Variants in COP1 observed in about 807,000 individuals in gnomAD.
COP1 encodes the protein E3 ubiquitin-protein ligase COP1.
COP1 carries 24 observed loss-of-function variants against 101.3 expected under a neutral mutation model. The ratio of observed to expected loss-of-function variants is 0.24; its 90% CI spans 0.17 to 0.33. The LOEUF (loss-of-function observed/expected upper bound fraction) is 0.33, where lower values mean the gene tolerates loss of function less well. Among genes scored for constraint, COP1 ranks in the 10% least tolerant of loss-of-function variants. The pLI, the probability that COP1 is intolerant of heterozygous loss-of-function variation, is 1.00. For missense variants in COP1, 663 were observed against 906.2 expected (o/e 0.73, Z 3.45); for synonymous variants, 347 against 341.9 (o/e 1.01, Z -0.17).
chr1:176,143,536 G>A (rs1691069664), intron 6 of COP1, among the ~76,000 whole-genome samples: 1 of 151,792 alleles, frequency 6.6e-6, no homozygotes, highest in Non-Finnish European at 1.5e-5. Context: ...AGCAAAACTG[G>A]ACAAGATATG....
chr1:176,191,923 T>C (rs1699154188), intron 1 of COP1, among the ~76,000 whole-genome samples: 1 of 152,142 alleles, frequency 6.6e-6, no homozygotes, highest in East Asian at 1.9e-4. Context: ...GCAATCATTT[T>C]AGACTGTAAT....
Position 175,949,145 on chromosome 1 carries a change from G to A in COP1, c.2134-1906C>T, listed in dbSNP as rs1198372154. On this transcript the variant is annotated intron_variant, in intron 18 of 19. Transcript: ENST00000367669. ...ACCACTGCACTCCAGCCTGGCTGGA[G>A]AGACTCCAGCAAGGCTCCGTCTCAA... Among the ~76,000 whole-genome samples the A allele has an allele frequency of 4.6e-5, 5 of 108,252 alleles. No individual in the cohort carries two copies. The Admixed American group carries it at 7.1e-4, about 15-fold the overall frequency. 71.0% of individuals were successfully genotyped at this position (108,252 alleles called of 152,430 possible). A position where few individuals can be genotyped will look rare whatever the true frequency, so the allele number is the denominator to read the frequency against.
intron 15 of COP1, among the ~76,000 whole-genome samples, chr1:176,006,358 A>C (rs1663214433): frequency 6.6e-6 from 1 of 152,114 alleles, no homozygotes. Context: ...ATTTAAAGTT[A>C]ATATTGTTAT....
chr1:176,071,883 T>C (rs1677068712), intron 11 of COP1, among the ~76,000 whole-genome samples: 2 of 152,192 alleles, frequency 1.3e-5, no homozygotes, highest in African/African-American at 4.8e-5. Context: ...AGCTTATGGC[T>C]TCACTCTGTA....
intron 1 of COP1, among the ~76,000 whole-genome samples, chr1:176,200,947 C>T (rs949583702): frequency 1.4e-4 from 21 of 152,162 alleles, no homozygotes; most frequent in African/African-American, 4.6e-4. Flanking sequence ...TGGACTCAAA[C>T]TCCTGGAGCT....
chr1:175,994,540 A>C (rs1659581221), intron 15 of COP1, among the ~76,000 whole-genome samples: 1 of 152,178 alleles, frequency 6.6e-6, no homozygotes, highest in African/African-American at 2.4e-5. Flanking sequence ...AAATAAAAGG[A>C]TGGAGGAAGA....
intron 11 of COP1, among the ~76,000 whole-genome samples, chr1:176,050,794 G>A (rs989948416): frequency 6.6e-6 from 1 of 152,052 alleles, no homozygotes; most frequent in African/African-American, 2.4e-5. Context: ...AATCTCCACT[G>A]TATAAAGAAA....
chr1:176,017,856 C>A (rs928352171), intron 15 of COP1, among the ~76,000 whole-genome samples: 1 of 152,120 alleles, frequency 6.6e-6, no homozygotes, highest in Admixed American at 6.5e-5. Context: ...ATACTTAAAC[C>A]ATTTTTTACT....
intron 9 of COP1, among the ~76,000 whole-genome samples, chr1:176,087,757 A>C (rs1680487335): frequency 6.6e-6 from 1 of 152,220 alleles, no homozygotes; most frequent in African/African-American, 2.4e-5. Flanking sequence ...ATTACGGGTT[A>C]TATACCCAAA....
chr1:175,987,920 A>G (rs564985372), intron 17 of COP1, among the ~76,000 whole-genome samples: 9 of 152,246 alleles, frequency 5.9e-5, no homozygotes, highest in Non-Finnish European at 1.3e-4. Flanking sequence ...GGGAAAATGA[A>G]TATCAAGCTT....
chr1:176,051,871 T>G (rs1672629320), intron 11 of COP1, among the ~76,000 whole-genome samples: 1 of 152,096 alleles, frequency 6.6e-6, no homozygotes, highest in Non-Finnish European at 1.5e-5. Context: ...GTATAGTTGT[T>G]CAATGTGTGT....
intron 1 of COP1, among the ~76,000 whole-genome samples, chr1:176,189,638 T>A (rs1558288399): frequency 6.6e-6 from 1 of 151,608 alleles, no homozygotes; most frequent in Non-Finnish European, 1.5e-5. Flanking sequence ...GAAACTAGGA[T>A]GTACACAAAT....
At chr1:175,994,118 C>A (rs1202428009) in intron 15 of COP1, among the ~76,000 whole-genome samples, 2 of 152,118 alleles carry the variant, frequency 1.3e-5, no homozygotes, top group Non-Finnish European at 2.9e-5. Flanking sequence ...GAATTTTCAA[C>A]CCAGAATTTC....
chr1:175,979,603 T>C (rs1655335697), intron 18 of COP1, among the ~76,000 whole-genome samples: 1 of 152,044 alleles, frequency 6.6e-6, no homozygotes, highest in Admixed American at 6.6e-5. Context: ...AATAAACGCC[T>C]ACTTTCTTGT....
chr1:176,024,410 A>G (rs1257528551), intron 15 of COP1, among the ~76,000 whole-genome samples: 1 of 152,174 alleles, frequency 6.6e-6, no homozygotes, highest in Non-Finnish European at 1.5e-5. Context: ...ACAGAGGCAA[A>G]AAAAAAGCAT....
At chr1:175,992,812 G>A (rs1571463414) in intron 15 of COP1, among the ~76,000 whole-genome samples, 1 of 152,300 alleles carries the variant, frequency 6.6e-6, no homozygotes, top group South Asian at 2.1e-4. Context: ...TCCACCTCTG[G>A]GGGCAGGCAC....
At chr1:175,965,097 T>C (rs1245578562) in intron 18 of COP1, among the ~76,000 whole-genome samples, 2 of 152,216 alleles carry the variant, frequency 1.3e-5, no homozygotes, top group African/African-American at 4.8e-5. Context: ...GCTCCATTTT[T>C]TTTTTCTGTC....
chr1:176,119,237 T>C (rs1686703319), intron 8 of COP1, among the ~76,000 whole-genome samples: 1 of 152,222 alleles, frequency 6.6e-6, no homozygotes, highest in South Asian at 2.1e-4. Context: ...CTGTTCTTCC[T>C]ACTAATGAAA....
chr1:175,966,973 T>C (rs747857962), intron 18 of COP1, among the ~76,000 whole-genome samples: 13 of 152,182 alleles, frequency 8.5e-5, no homozygotes, highest in Non-Finnish European at 1.8e-4. Context: ...TTGGGATTTC[T>C]TCATCACAAA....
Sources: gnomAD v4.1 joint callset for allele counts (sites outside exome capture counted in the v4.1 genomes callset) on GRCh38, gnomAD v4.1.1 for gene constraint, MANE v1.5 for transcripts, NCBI Gene and HGNC (gene_info 2026-07-23, HGNC 2026-07-21) for gene names.